Variants in DDAH1 observed in about 807,000 individuals in gnomAD.
The protein encoded by DDAH1 is N(G),N(G)-dimethylarginine dimethylaminohydrolase 1.
In DDAH1, 19 loss-of-function variants were observed where a neutral mutation model predicts 28.8. The ratio of observed to expected loss-of-function variants is 0.66; its 90% confidence interval spans 0.46 to 0.97. The LOEUF (loss-of-function observed/expected upper bound fraction) is 0.97, where lower values mean the gene tolerates loss of function less well. Ranked by LOEUF, DDAH1 falls within the 50% of genes least tolerant of loss-of-function variation. DDAH1 has a pLI of 0.00. For missense variants in DDAH1, 326 were observed against 375.9 expected, an observed-to-expected ratio of 0.87 and a Z score of 1.10; for synonymous variants, 153 against 154.4, an observed-to-expected ratio of 0.99 and a Z score of 0.07.
intron 1 of DDAH1, among the ~76,000 whole-genome samples, chr1:85,570,742 G>GTACCTCCTTTTAA (rs1659432237): frequency 6.6e-6 from 1 of 152,178 alleles, no homozygotes; most frequent in South Asian, 2.1e-4. Flanking sequence ...TGATGGCAAT[G>GTACCTCCTTTTAA]ATCCCATTCA....
intron 1 of DDAH1, among the ~76,000 whole-genome samples, chr1:85,409,791 C>T (rs1360055902): frequency 1.3e-5 from 2 of 152,084 alleles, no homozygotes; most frequent in African/African-American, 2.4e-5. Context: ...AGAAATTGTA[C>T]ATATTAGTTA....
intron 1 of DDAH1, among the ~76,000 whole-genome samples, chr1:85,544,012 C>T (rs1247762589): frequency 6.6e-6 from 1 of 152,058 alleles, no homozygotes; most frequent in Non-Finnish European, 1.5e-5. Context: ...ATTTTTGGTT[C>T]ATTGGTACTA....
intron 1 of DDAH1, among the ~76,000 whole-genome samples, chr1:85,515,388 C>T (rs6576771): frequency 0.17 from 21,865 of 132,372 alleles, 2,775 homozygotes; most frequent in African/African-American, 0.36. Flanking sequence ...GGTGTTGCTG[C>T]TGCCATTTTA....
intron 2 of DDAH1, among the ~76,000 whole-genome samples, chr1:85,472,196 A>G (rs1655641665): frequency 6.6e-6 from 1 of 152,216 alleles, no homozygotes; most frequent in African/African-American, 2.4e-5. Context: ...CCCCCATTCC[A>G]GAGAAGGTCA....
chr1:85,450,942 G>T (rs1207194703), intron 1 of DDAH1, among the ~76,000 whole-genome samples: 1 of 152,194 alleles, frequency 6.6e-6, no homozygotes, highest in Admixed American at 6.5e-5. Context: ...AGGATGAAGA[G>T]AAATTATAAA....
chr1:85,476,852 T>C (rs1277310621), intron 2 of DDAH1, among the ~76,000 whole-genome samples: 1 of 152,208 alleles, frequency 6.6e-6, no homozygotes, highest in Non-Finnish European at 1.5e-5. Flanking sequence ...TCTGAAGTTT[T>C]GCTAACTTTT....
chr1:85,541,867 G>A (rs1393709180), intron 1 of DDAH1, among the ~76,000 whole-genome samples: 1 of 152,170 alleles, frequency 6.6e-6, no homozygotes, highest in Non-Finnish European at 1.5e-5. Flanking sequence ...GAACCAGGAA[G>A]CAGGGTATCA....
intron 1 of DDAH1, among the ~76,000 whole-genome samples, chr1:85,546,400 A>G (rs1057438592): frequency 2.6e-5 from 4 of 152,184 alleles, no homozygotes; most frequent in Non-Finnish European, 5.9e-5. Context: ...TGAAATTCTC[A>G]GCCTTCAGAA....
At chr1:85,410,175 G>T (rs1051223382) in intron 1 of DDAH1, among the ~76,000 whole-genome samples, 13 of 152,118 alleles carry the variant, frequency 8.5e-5, no homozygotes, top group Admixed American at 2.6e-4. Context: ...CAGCTACACG[G>T]GAGGCCGAGG....
At chr1:85,506,529 C>G (rs940667323) in intron 1 of DDAH1, among the ~76,000 whole-genome samples, 3 of 152,226 alleles carry the variant, frequency 2.0e-5, no homozygotes, top group Non-Finnish European at 4.4e-5. Flanking sequence ...TAGCTGCCCC[C>G]TTCAGACAGG....
At chr1:85,410,731 A>C (rs1652616916) in intron 1 of DDAH1, among the ~76,000 whole-genome samples, 1 of 152,214 alleles carries the variant, frequency 6.6e-6, no homozygotes, top group Admixed American at 6.5e-5. Flanking sequence ...AATTTGAATA[A>C]ATTTTTAAAG....
intron 2 of DDAH1, among the ~76,000 whole-genome samples, chr1:85,484,921 T>C (rs748950975): frequency 6.6e-6 from 1 of 152,180 alleles, no homozygotes; most frequent in Admixed American, 6.5e-5. Flanking sequence ...CTCTGAGTCA[T>C]TGGAAGTTGG....
intron 1 of DDAH1, among the ~76,000 whole-genome samples, chr1:85,390,637 T>C (rs1425557741): frequency 2.6e-5 from 4 of 152,154 alleles, no homozygotes; most frequent in African/African-American, 9.7e-5. Flanking sequence ...GCCAGCTTCT[T>C]AGACGGTAGT....
intron 2 of DDAH1, among the ~76,000 whole-genome samples, chr1:85,357,131 C>A (rs1319786667): frequency 6.6e-6 from 1 of 152,168 alleles, no homozygotes; most frequent in Non-Finnish European, 1.5e-5. Context: ...CAACGGGAGA[C>A]ACAAAGAATA....
At chr1:85,512,088 C>T (rs1283498115) in intron 1 of DDAH1, among the ~76,000 whole-genome samples, 7 of 152,200 alleles carry the variant, frequency 4.6e-5, no homozygotes, top group Non-Finnish European at 8.8e-5. Flanking sequence ...AACATCGATG[C>T]GAAAATCCTC....
At chr1:85,330,026 T>G (rs1647665298) in intron 4 of DDAH1, among the ~76,000 whole-genome samples, 2 of 152,348 alleles carry the variant, frequency 1.3e-5, no homozygotes, top group South Asian at 4.1e-4. Flanking sequence ...TTGGAGTAAT[T>G]ATTTTCCTTT....
chr1:85,439,861 T>G (rs558219080), intron 1 of DDAH1, among the ~76,000 whole-genome samples: 1 of 152,242 alleles, frequency 6.6e-6, no homozygotes, highest in Non-Finnish European at 1.5e-5. Context: ...TTTTTCAGAC[T>G]GATAGAAAAG....
intron 1 of DDAH1, among the ~76,000 whole-genome samples, chr1:85,403,200 AAT>A (rs71682030): frequency 0.13 from 19,776 of 148,048 alleles, 1,570 homozygotes; most frequent in South Asian, 0.29. Context: ...TATATATATG[AAT>A]ATATATATGA....
intron 1 of DDAH1, among the ~76,000 whole-genome samples, chr1:85,435,525 A>G (rs1021203288): frequency 6.6e-6 from 1 of 152,240 alleles, no homozygotes; most frequent in Non-Finnish European, 1.5e-5. Flanking sequence ...GGGGATAAAA[A>G]ATAAATAAGT....
Sources: allele counts gnomAD v4.1 joint callset (sites outside exome capture counted in the v4.1 genomes callset), GRCh38; gene constraint gnomAD v4.1.1; transcripts MANE v1.5; gene names NCBI Gene and HGNC (gene_info 2026-07-23, HGNC 2026-07-21).